Variants in PIK3R3 observed in about 807,000 individuals in gnomAD.
PIK3R3 encodes phosphatidylinositol 3-kinase regulatory subunit gamma.
Under a neutral mutation model 62.9 loss-of-function variants are expected in PIK3R3, and 64 were observed. The observed-to-expected ratio is 1.02, with a 90% CI of 0.83 to 1.25. The LOEUF is 1.25. PIK3R3 is among the 50% of genes most tolerant of loss of function. PIK3R3 has a pLI of 0.00. For missense variants in PIK3R3, 614 were observed against 561.6 expected, an observed-to-expected ratio of 1.09 and a Z score of -0.94; for synonymous variants, 165 against 189.0, an observed-to-expected ratio of 0.87 and a Z score of 1.04.
chr1:46,131,865 T>C lies in PIK3R3; in HGVS notation c.88A>G (p.Ile30Val). 2 of 1,612,688 alleles carry C rather than the reference T, an allele frequency of 1.2e-6. No individual in the cohort carries two copies. Among genetic ancestry groups the C allele is most frequent in the Non-Finnish European group, 8.5e-7 (1 of 1,179,134 alleles). The change falls in exon 1 of 10, where the codon ATT becomes GTT. Residue 30 changes from isoleucine to valine, a missense_variant. Ile to Val is a conservative substitution (Grantham distance 29). Coordinates refer to ENST00000262741, the MANE Select transcript of PIK3R3 (RefSeq NM_003629.4). ...MPYSTELIFY[I>V]EMDPPALPPK... ...CAAGTACCTGGAGGATCCATTTCAA[T>C]ATAAAATATCAGTTCTGTCGAATAG...
At chr1:46,078,844 C>T (rs577308843) in intron 2 of PIK3R3, among the ~76,000 whole-genome samples, 3 of 151,988 alleles carry the variant, frequency 2.0e-5, no homozygotes, top group Non-Finnish European at 4.4e-5. Context: ...ACCTTGAAGA[C>T]GTATGAAGAA....
chr1:46,078,041 A>G (rs1439040905), intron 2 of PIK3R3, among the ~76,000 whole-genome samples: 1 of 152,220 alleles, frequency 6.6e-6, no homozygotes. Flanking sequence ...ACCTTTCAAT[A>G]GGATAGTCTC....
intron 1 of PIK3R3, among the ~76,000 whole-genome samples, chr1:46,120,824 T>C (rs900897666): frequency 6.6e-6 from 1 of 152,152 alleles, no homozygotes; most frequent in Non-Finnish European, 1.5e-5. Context: ...TAAGGGTTAT[T>C]TACTGGTGAC....
At chr1:46,131,441 C>A (rs1178679205) in intron 1 of PIK3R3, among the ~76,000 whole-genome samples, 1 of 152,112 alleles carries the variant, frequency 6.6e-6, no homozygotes, top group Non-Finnish European at 1.5e-5. Flanking sequence ...CAAGAATTCG[C>A]CCAAAGTGAA....
In PIK3R3 at chr1:46,043,474, G is replaced by A. The variant is rs576966010; in HGVS notation, c.*199C>T. ...TTCCAGCTTAGTATGTCAGTGCAGC[G>A]GCATGGCTGAGTCCTAGAGAACCTC... On this transcript the variant is annotated 3_prime_UTR_variant, in exon 10 of 10. Coordinates refer to ENST00000262741, the MANE Select transcript of PIK3R3 (RefSeq NM_003629.4). The A allele has an allele frequency of 9.2e-4, 530 of 578,772 alleles. 1 individual carries two copies. The highest frequency in any genetic ancestry group is 1.4e-3 in the Non-Finnish European group (436 of 322,842). The allele number at this position is 578,772 out of a possible 1,614,324, so 35.9% of individuals were successfully genotyped here.
At chr1:46,162,981 T>A in the PIK3R3 span, among the ~76,000 whole-genome samples, 1 of 152,246 alleles carries the variant, frequency 6.6e-6, no homozygotes, top group African/African-American at 2.4e-5. Flanking sequence ...TGCCTGTATT[T>A]TTCAAGTTTT....
At chr1:46,155,778 T>A in the PIK3R3 span, among the ~76,000 whole-genome samples, 5 of 152,132 alleles carry the variant, frequency 3.3e-5, no homozygotes, top group Non-Finnish European at 5.9e-5. Context: ...TTTTAAAAAA[T>A]TTTAATTGTT....
At chr1:46,146,386 A>G in the PIK3R3 span, among the ~76,000 whole-genome samples, 717 of 152,268 alleles carry the variant, frequency 4.7e-3, 5 homozygotes, top group African/African-American at 0.017. Context: ...TTTTACCTCC[A>G]ATTAGAGATT....
chr1:46,041,181 C>T lies in PIK3R3; in HGVS notation c.*2492G>A, dbSNP rs560294764. 4.2e-3 allele frequency: 652 copies of T among 154,002 alleles called. 5 individuals are homozygous for T. The highest frequency in any genetic ancestry group is 0.015 in the African/African-American group (614 of 41,544). The allele number at this position is 154,002 out of a possible 1,614,324, so 9.5% of individuals were successfully genotyped here. A position where few individuals can be genotyped will look rare whatever the true frequency, so the allele number is the denominator to read the frequency against. On this transcript the variant is annotated 3_prime_UTR_variant, in exon 10 of 10. Transcript: ENST00000262741. ...CCAAGACCTGCTCCCAAGTCATGGG[C>T]GTAGAGAAGCACCTTGCTACCCTCT...
the PIK3R3 span, among the ~76,000 whole-genome samples, chr1:46,174,817 C>T: frequency 1.3e-5 from 2 of 152,158 alleles, no homozygotes; most frequent in Non-Finnish European, 2.9e-5. Context: ...GCTCAGCTGC[C>T]AGTTCTGGAA....
intron 1 of PIK3R3, among the ~76,000 whole-genome samples, chr1:46,119,281 T>C (rs1654457407): frequency 2.0e-5 from 3 of 152,202 alleles, no homozygotes; most frequent in Admixed American, 6.5e-5. Context: ...AAAACATGAA[T>C]TAACACACAA....
At chr1:46,133,148 G>A (rs1189988769), upstream of PIK3R3, 3 of 408,424 alleles carry the variant, frequency 7.3e-6, no homozygotes, top group Non-Finnish European at 1.0e-5. Context: ...GGCCGGTAAG[G>A]CGGCGATTGG....
chr1:46,133,044 C>A (rs528574490), upstream of PIK3R3: 2 of 1,021,754 alleles, frequency 2.0e-6, no homozygotes, highest in South Asian at 6.6e-5. Flanking sequence ...GTTGCCGGAG[C>A]CTGGAGCCTG....
chr1:46,107,491 G>T (rs1653330722), intron 1 of PIK3R3, among the ~76,000 whole-genome samples: 1 of 147,862 alleles, frequency 6.8e-6, no homozygotes, highest in Non-Finnish European at 1.5e-5. Context: ...GGAAGCGGAG[G>T]TTACAGTGAG....
Position 46,043,656 on chromosome 1 carries a change from C to G in PIK3R3, c.*17G>C, listed in dbSNP as rs775380320. 1.2e-6 allele frequency: 2 copies of G among 1,612,088 alleles called. No individual in the cohort carries two copies. The highest frequency in any genetic ancestry group is 1.1e-5 in the South Asian group (1 of 90,968). Reference sequence around the variant, plus strand: ...AGAAAAAAATGCCAGAGAACCACCTCTCTTCCCACTTCCTCTTTATCTGCA... The same window carrying G: ...AGAAAAAAATGCCAGAGAACCACCTGTCTTCCCACTTCCTCTTTATCTGCA... On this transcript the variant is annotated 3_prime_UTR_variant, in exon 10 of 10. Coordinates refer to ENST00000262741, the MANE Select transcript of PIK3R3 (RefSeq NM_003629.4).
chr1:46,101,171 C>CAAAA (rs1171228788), intron 1 of PIK3R3, among the ~76,000 whole-genome samples: 8 of 73,542 alleles, frequency 1.1e-4, no homozygotes, highest in African/African-American at 2.4e-4. Flanking sequence ...GACTCCGTCT[C>CAAAA]AAAAAAAAAA....
chr1:46,103,023 T>C (rs1194038313), intron 1 of PIK3R3, among the ~76,000 whole-genome samples: 1 of 152,142 alleles, frequency 6.6e-6, no homozygotes, highest in Non-Finnish European at 1.5e-5. Flanking sequence ...TATGCTACAA[T>C]ATAACTGAAA....
intron 1 of PIK3R3, among the ~76,000 whole-genome samples, chr1:46,125,710 T>C (rs1655029458): frequency 6.6e-6 from 1 of 152,122 alleles, no homozygotes; most frequent in Non-Finnish European, 1.5e-5. Context: ...TCCACCAAAC[T>C]ATATAGTCTA....
the PIK3R3 span, among the ~76,000 whole-genome samples, chr1:46,143,996 C>T: frequency 6.6e-6 from 1 of 152,170 alleles, no homozygotes; most frequent in African/African-American, 2.4e-5. Flanking sequence ...CTTTTTAGTA[C>T]CTCTGGCCAG....
Sources: allele counts gnomAD v4.1 joint callset (sites outside exome capture counted in the v4.1 genomes callset), GRCh38; gene constraint gnomAD v4.1.1; transcripts MANE v1.5; gene names NCBI Gene and HGNC (gene_info 2026-07-23, HGNC 2026-07-21).